Variants in LOXHD1 observed in about 807,000 individuals in gnomAD.
The protein encoded by LOXHD1 is lipoxygenase homology domain-containing protein 1.
Under a neutral mutation model 248.2 loss-of-function variants are expected in LOXHD1, and 205 were observed. The ratio of observed to expected loss-of-function variants is 0.83; its 90% confidence interval spans 0.74 to 0.93. The LOEUF (loss-of-function observed/expected upper bound fraction) is 0.93, where lower values mean the gene tolerates loss of function less well. Among genes scored for constraint, LOXHD1 ranks in the 40% least tolerant of loss-of-function variants. LOXHD1 has a pLI of 0.00. For missense variants in LOXHD1, 2,930 were observed against 2,971.6 expected (o/e 0.99, Z 0.33); for synonymous variants, 1,113 against 1,162.8 (o/e 0.96, Z 0.87).
intron 4 of LOXHD1, among the ~76,000 whole-genome samples, chr18:46,632,434 A>G (rs2038837438): frequency 6.6e-6 from 1 of 152,188 alleles, no homozygotes. Flanking sequence ...CATTGCCAAC[A>G]GCAGCTGCTA....
intron 21 of LOXHD1, among the ~76,000 whole-genome samples, chr18:46,554,038 A>G (rs2037218429): frequency 6.6e-6 from 1 of 152,136 alleles, no homozygotes; most frequent in African/African-American, 2.4e-5. Context: ...TTTGGCTTTG[A>G]CTCTGAGTGA....
rs1344784504 is a variant in LOXHD1 at position 46,541,929 on chromosome 18, C to G, written c.3760G>C (p.Gly1254Arg). The G allele has an allele frequency of 1.3e-6, 2 of 1,551,382 alleles. No homozygotes were observed. Among genetic ancestry groups the G allele is most frequent in the South Asian group, 2.4e-5 (2 of 84,036 alleles). ...ACCTCTACCCAGTCTACAAACCAGC[C>G]TGGGGCCTTGCCTAGAGAGAGAGGA... ...LGHDNTGKAP[G>R]WFVDWVEVDA... Residue 1254 changes from glycine to arginine, a missense_variant, in exon 25 of 41, where the codon GGC becomes CGC. Coordinates refer to ENST00000642948, the MANE Select transcript of LOXHD1 (RefSeq NM_001384474.1).
intron 4 of LOXHD1, among the ~76,000 whole-genome samples, chr18:46,635,599 A>G (rs928971679): frequency 5.9e-5 from 9 of 152,210 alleles, no homozygotes; most frequent in African/African-American, 1.9e-4. Context: ...ACCAGGGTAC[A>G]GTCTGCATAC....
At chr18:46,602,912 C>A (rs1317408243) in intron 7 of LOXHD1, among the ~76,000 whole-genome samples, 1 of 152,162 alleles carries the variant, frequency 6.6e-6, no homozygotes. Flanking sequence ...TCTTCTTCTA[C>A]CACTAGGAGA....
At chr18:46,546,809 G>A in intron 22 of LOXHD1, 86 bp downstream of exon 22, 1 of 1,422,826 alleles carries the variant, frequency 7.0e-7, no homozygotes, top group Non-Finnish European at 9.5e-7. Flanking sequence ...AGCCCACAGG[G>A]GAGGGAAGGA....
intron 23 of LOXHD1, among the ~76,000 whole-genome samples, chr18:46,544,067 T>G (rs1461065453): frequency 2.0e-5 from 3 of 152,244 alleles, no homozygotes; most frequent in African/African-American, 7.2e-5. Context: ...CAGGATGCAC[T>G]GCATTGCCTT....
intron 12 of LOXHD1, among the ~76,000 whole-genome samples, chr18:46,590,500 A>G (rs1429943095): frequency 6.6e-6 from 1 of 152,186 alleles, no homozygotes; most frequent in Non-Finnish European, 1.5e-5. Flanking sequence ...TGCAGGCTCA[A>G]TTCTGGCGCA....
At chr18:46,503,296 C>T (rs1027769603) in intron 37 of LOXHD1, among the ~76,000 whole-genome samples, 4 of 152,154 alleles carry the variant, frequency 2.6e-5, no homozygotes, top group African/African-American at 9.7e-5. Context: ...ACAAGCTCTC[C>T]TGTTAGGGTT....
Position 46,522,018 on chromosome 18 carries a change from G to A in LOXHD1, c.5085+83C>T, listed in dbSNP as rs1289413755. The A allele has an allele frequency of 9.2e-6, 9 of 980,034 alleles. No individual in the cohort carries two copies. In the East Asian group the frequency reaches 2.1e-4, roughly 23 times the overall value. The allele number at this position is 980,034 out of a possible 1,614,324, so 60.7% of individuals were successfully genotyped here. ...GCAGGTAGGCTGTTCTTCCCACCCT[G>A]CACTCTCCCGCCCACCCAGGAACTG... On this transcript the variant is annotated intron_variant, in intron 32 of 40. Transcript: ENST00000642948.
intron 2 of LOXHD1, among the ~76,000 whole-genome samples, chr18:46,643,330 G>A (rs930630182): frequency 6.6e-6 from 1 of 152,208 alleles, no homozygotes; most frequent in Admixed American, 6.5e-5. Context: ...ACCTTAGGAA[G>A]GGAGGGAGGA....
intron 24 of LOXHD1, 141 bp from the exon 25 acceptor site, chr18:46,542,081 G>T: frequency 2.6e-6 from 2 of 770,008 alleles, no homozygotes; most frequent in Non-Finnish European, 4.0e-6. Flanking sequence ...TTGCAGCATT[G>T]CTAAAGTGAC....
chr18:46,504,531 T>G (rs959944793), intron 37 of LOXHD1, among the ~76,000 whole-genome samples: 2 of 152,234 alleles, frequency 1.3e-5, no homozygotes, highest in Non-Finnish European at 2.9e-5. Flanking sequence ...ATTTGAAAAC[T>G]GTGGAGTGCT....
At chr18:46,630,672 A>G (rs540091347) in intron 4 of LOXHD1, among the ~76,000 whole-genome samples, 55 of 152,278 alleles carry the variant, frequency 3.6e-4, no homozygotes, top group African/African-American at 1.3e-3. Flanking sequence ...GTAGCCCTGC[A>G]TTCTCAGCCT....
At chr18:46,491,040 TAGGA>T (rs1420385300) in intron 37 of LOXHD1, among the ~76,000 whole-genome samples, 1 of 152,076 alleles carries the variant, frequency 6.6e-6, no homozygotes, top group Non-Finnish European at 1.5e-5. Context: ...AAGTGGAATA[TAGGA>T]AGGAAGAGAC....
rs1463717277 is a variant in LOXHD1 at position 46,529,346 on chromosome 18, GGACA to G, written c.4376-19_4376-16del. The G allele has an allele frequency of 1.7e-5, 26 of 1,524,398 alleles. No individual in the cohort carries two copies. Among genetic ancestry groups the G allele is most frequent in the Admixed American group, 6.1e-5 (3 of 49,510 alleles). 94.4% of individuals were successfully genotyped at this position (1,524,398 alleles called of 1,614,324 possible). ...GTACAGCACAACTGGGCAGGTGGTG[GGACA>G]GACAGACAGACAAAGGGAAGAAAAG... On this transcript the variant is annotated splice_polypyrimidine_tract_variant and intron_variant, in intron 28 of 40. Coordinates refer to ENST00000642948, the MANE Select transcript of LOXHD1 (RefSeq NM_001384474.1).
At position 46,509,715 on chromosome 18, in the gene LOXHD1, C is replaced by G; in HGVS notation, c.5500G>C (p.Glu1834Gln). 1 of 1,551,526 alleles carries G rather than the reference C, an allele frequency of 6.4e-7. No individual in the cohort carries two copies. The highest frequency in any genetic ancestry group is 2.4e-5 in the East Asian group (1 of 40,916). Reference sequence around the variant, plus strand: ...CATTTTACCCTCTCCAGGAACCACTCCGGCCGACTGCCCAGGCCATCAATC... The same window carrying G: ...CATTTTACCCTCTCCAGGAACCACTGCGGCCGACTGCCCAGGCCATCAATC... The part of the protein sequence containing the change: ...IRIDGLGSRP[E>Q]WFLERILLKN... Residue 1834 changes from glutamate (E) to glutamine (Q), a missense_variant, in exon 35 of 41, where the codon GAG becomes CAG. Coordinates refer to ENST00000642948, the MANE Select transcript of LOXHD1 (RefSeq NM_001384474.1).
chr18:46,642,345 C>T (rs2038973280), intron 2 of LOXHD1, among the ~76,000 whole-genome samples: 1 of 152,208 alleles, frequency 6.6e-6, no homozygotes, highest in African/African-American at 2.4e-5. Flanking sequence ...GGGACCAGAA[C>T]CTGGCTCTCC....
chr18:46,551,913 A>G (rs571263027), intron 21 of LOXHD1, among the ~76,000 whole-genome samples: 4 of 152,256 alleles, frequency 2.6e-5, no homozygotes, highest in Non-Finnish European at 5.9e-5. Flanking sequence ...ACACGGATGA[A>G]GCTTGAGGAC....
In LOXHD1 at chr18:46,560,375, C is replaced by A. The variant is rs2037495842; in HGVS notation, c.2769G>T (p.Leu923=). Residue 923 remains leucine (L), a synonymous_variant, in exon 19 of 41, where the codon CTG becomes CTT. Coordinates refer to ENST00000642948, the MANE Select transcript of LOXHD1 (RefSeq NM_001384474.1). ...GCCGCTCCTTCTTGAGCAGCTGCCG[C>A]AGCTTGTCCTTCTCCTTCTTCTTCC... ...EARKKKEKDK[L]RQLLKKERLK... is the part of the protein sequence containing the mutation. 2.6e-6 allele frequency: 4 copies of A among 1,552,732 alleles called. No homozygotes were observed. The highest frequency in any genetic ancestry group is 2.6e-6 in the Non-Finnish European group (3 of 1,148,080).
Sources: allele counts gnomAD v4.1 joint callset (sites outside exome capture counted in the v4.1 genomes callset), GRCh38; gene constraint gnomAD v4.1.1; transcripts MANE v1.5; gene names NCBI Gene and HGNC (gene_info 2026-07-23, HGNC 2026-07-21).